The following PCDHAC2 variants were observed in gnomAD, a reference collection of about 807,000 sequenced individuals.
PCDHAC2 encodes the protein protocadherin alpha subfamily C, 2.
A neutral mutation model predicts 63.3 loss-of-function variants in PCDHAC2; 24 were observed. The ratio of observed to expected loss-of-function variants is 0.38; its 90% confidence interval spans 0.27 to 0.53. The LOEUF (loss-of-function observed/expected upper bound fraction) is 0.53. Among genes scored for constraint, PCDHAC2 ranks in the 20% least tolerant of loss-of-function variants. The pLI is 0.81. For synonymous variants in PCDHAC2, 569 were observed against 529.4 expected (o/e 1.07, Z -1.03); for missense variants, 1,181 against 1,275.2 (o/e 0.93, Z 1.12).
intron 3 of PCDHAC2, among the ~76,000 whole-genome samples, chr5:140,986,408 C>G (rs1587158509): frequency 6.6e-6 from 1 of 152,176 alleles, no homozygotes; most frequent in East Asian, 1.9e-4. Context: ...GCTCATGTTA[C>G]AGCTCTTTTT....
intron 3 of PCDHAC2, among the ~76,000 whole-genome samples, chr5:141,007,904 T>C (rs1397513381): frequency 6.6e-6 from 1 of 152,278 alleles, no homozygotes; most frequent in African/African-American, 2.4e-5. Flanking sequence ...TTGTTCTTTG[T>C]TGAAGATGCT....
rs149076230 is a variant in PCDHAC2 at position 140,969,005 on chromosome 5, G to A, written c.2239G>A (p.Gly747Arg). Reference sequence around the variant, plus strand: ...CACTGCATGCTGTGGAGGCTTCTGTGGAGTAAGGGAAAGGTCCCCTGCAGA... The same window carrying A: ...CACTGCATGCTGTGGAGGCTTCTGTAGAGTAAGGGAAAGGTCCCCTGCAGA... ...YGTACCGGFCGVRERSPAELY... is the reference protein window; with the variant it reads ...YGTACCGGFCRVRERSPAELY... Residue 747 changes from glycine (G) to arginine (R), a missense_variant, in exon 1 of 4, where the codon GGA (glycine) becomes AGA (arginine). This residue lies in a region of PCDHAC2 where 968 missense variants were observed against 1,073.5 expected (regional missense o/e 0.90). Coordinates refer to ENST00000289269, the MANE Select transcript of PCDHAC2 (RefSeq NM_018899.6). The A allele has an allele frequency of 6.2e-7, 1 of 1,614,168 alleles. No individual in the cohort carries two copies. Among genetic ancestry groups the A allele is most frequent in the Non-Finnish European group, 8.5e-7 (1 of 1,180,022 alleles).
chr5:140,984,645 C>T (rs1354690786), intron 3 of PCDHAC2, among the ~76,000 whole-genome samples: 1 of 152,164 alleles, frequency 6.6e-6, no homozygotes, highest in African/African-American at 2.4e-5. Flanking sequence ...TGCCTTCTCC[C>T]TGTCCTTCTG....
At chr5:140,969,982 G>A (rs1327490843) in intron 1 of PCDHAC2, among the ~76,000 whole-genome samples, 1 of 152,184 alleles carries the variant, frequency 6.6e-6, no homozygotes, top group Non-Finnish European at 1.5e-5. Context: ...CAACTCTTCT[G>A]TAGAGGGCTG....
intron 3 of PCDHAC2, 71 bp from the exon 4 acceptor site, chr5:141,009,556 A>T: frequency 6.4e-7 from 1 of 1,564,868 alleles, no homozygotes; most frequent in Non-Finnish European, 8.7e-7. Flanking sequence ...GTACTCCTGT[A>T]CTCTACCAGC....
In PCDHAC2 at chr5:140,967,649, T is replaced by C; in HGVS notation, c.883T>C (p.Ser295Pro). 6.2e-7 allele frequency: 1 copy of C among 1,614,132 alleles called. No individual in the cohort carries two copies. ...GGGCTCCAATGGTGAGCTCAGGTAC[T>C]CCTTGAGCAGCTACACGTCGGACCG... ...DEGSNGELRY[S>P]LSSYTSDRER... Residue 295 changes from serine (S) to proline (P), a missense_variant, in exon 1 of 4, where the codon TCC becomes CCC. Physicochemically the swap from Ser to Pro is moderately conservative, Grantham distance 74. Coordinates refer to ENST00000289269, the MANE Select transcript of PCDHAC2 (RefSeq NM_018899.6).
Position 140,974,863 on chromosome 5 carries a change from G to A in PCDHAC2, c.2566-4086G>A, listed in dbSNP as rs559374442. On this transcript the variant is annotated intron_variant, in intron 1 of 3. Coordinates refer to ENST00000289269, the MANE Select transcript of PCDHAC2 (RefSeq NM_018899.6). ...ATGTTATATTCCCTTTTGCCTTAAT[G>A]CGGAACAGTCTATGTATCCCTTTTC... Among the ~76,000 whole-genome samples, 14 of 152,198 alleles carry A rather than the reference G, an allele frequency of 9.2e-5. No homozygotes were observed. The South Asian group carries it at 2.9e-3, about 32-fold the overall frequency.
intron 3 of PCDHAC2, among the ~76,000 whole-genome samples, chr5:141,002,176 G>C (rs1554258553): frequency 6.6e-6 from 1 of 152,242 alleles, no homozygotes; most frequent in Non-Finnish European, 1.5e-5. Context: ...GCAGGCTCCA[G>C]AGTGCTGTCT....
At chr5:140,971,641 C>T (rs1554233513) in intron 1 of PCDHAC2, among the ~76,000 whole-genome samples, 1 of 152,078 alleles carries the variant, frequency 6.6e-6, no homozygotes, top group African/African-American at 2.4e-5. Context: ...CATGTGCCTA[C>T]ATTAAAAGTA....
intron 1 of PCDHAC2, among the ~76,000 whole-genome samples, chr5:140,975,611 A>C (rs191363875): frequency 7.0e-4 from 106 of 152,356 alleles, no homozygotes; most frequent in African/African-American, 2.4e-3. Flanking sequence ...GATGTCTTCC[A>C]CATGGATTTC....
chr5:141,003,352 C>T (rs747533399), intron 3 of PCDHAC2, among the ~76,000 whole-genome samples: 38 of 152,318 alleles, frequency 2.5e-4, no homozygotes, highest in Non-Finnish European at 1.5e-4. Context: ...TGCTCTGTCA[C>T]CCAGGCTGGA....
chr5:140,992,590 T>C (rs536991072), intron 3 of PCDHAC2, among the ~76,000 whole-genome samples: 1 of 152,300 alleles, frequency 6.6e-6, no homozygotes, highest in East Asian at 1.9e-4. Flanking sequence ...TGTATGCATC[T>C]AGCGTCTGTG....
intron 3 of PCDHAC2, among the ~76,000 whole-genome samples, chr5:140,993,462 T>TCA (rs3836747): frequency 0.1 from 14,588 of 140,880 alleles, 728 homozygotes; most frequent in Middle Eastern, 0.17. Context: ...TCTTTCTTTC[T>TCA]CACACACACA....
chr5:140,995,893 A>T (rs1038677586), intron 3 of PCDHAC2, among the ~76,000 whole-genome samples: 1 of 152,182 alleles, frequency 6.6e-6, no homozygotes, highest in Non-Finnish European at 1.5e-5. Flanking sequence ...AGATTTATCA[A>T]TGTATAAAAG....
intron 3 of PCDHAC2, among the ~76,000 whole-genome samples, chr5:141,008,458 C>T (rs1234894606): frequency 3.9e-5 from 6 of 152,252 alleles, no homozygotes; most frequent in Middle Eastern, 3.4e-3. Context: ...CCTTCCTCTC[C>T]AGCTCTGACT....
At chr5:140,979,175 A>C in intron 2 of PCDHAC2, 168 bp downstream of exon 2, 8 of 951,628 alleles carry the variant, frequency 8.4e-6, no homozygotes, top group Non-Finnish European at 1.0e-5. Flanking sequence ...AAAGATCGCA[A>C]ATGGTCAGTG....
Position 140,968,996 on chromosome 5 carries a change from G to T in PCDHAC2, c.2230G>T (p.Gly744Cys). Residue 744 changes from glycine (G) to cysteine (C), a missense_variant, in exon 1 of 4, where the codon GGC becomes TGC. Coordinates refer to ENST00000289269, the MANE Select transcript of PCDHAC2 (RefSeq NM_018899.6). ...TGCGTATGGCACTGCATGCTGTGGA[G>T]GCTTCTGTGGAGTAAGGGAAAGGTC... ...YTAYGTACCG[G>C]FCGVRERSPA... 1.2e-6 allele frequency: 2 copies of T among 1,614,202 alleles called. No homozygotes were observed. Among genetic ancestry groups the T allele is most frequent in the Non-Finnish European group, 1.7e-6 (2 of 1,180,046 alleles).
At chr5:140,995,488 C>T (rs1402273935) in intron 3 of PCDHAC2, among the ~76,000 whole-genome samples, 26 of 152,182 alleles carry the variant, frequency 1.7e-4, no homozygotes, top group Admixed American at 1.6e-3. Context: ...TATTTTCAGA[C>T]TAAGGTTGAC....
intron 2 of PCDHAC2, among the ~76,000 whole-genome samples, chr5:140,981,645 A>G (rs2096941816): frequency 6.6e-6 from 1 of 152,126 alleles, no homozygotes; most frequent in Admixed American, 6.6e-5. Context: ...TTCTCTTAGG[A>G]TCCCACTTAT....
Sources: allele counts gnomAD v4.1 joint callset (sites outside exome capture counted in the v4.1 genomes callset), GRCh38; gene constraint gnomAD v4.1.1; regional missense constraint gnomAD v4.1.1; transcripts MANE v1.5; gene names NCBI Gene and HGNC (gene_info 2026-07-23, HGNC 2026-07-21).